BCAR3: variants seen among roughly 807,000 people sequenced by gnomAD.
The protein encoded by BCAR3 is BCAR3 adaptor protein, NSP family member, also known as breast cancer anti-estrogen resistance protein 3.
A neutral mutation model predicts 80.1 loss-of-function variants in BCAR3; 37 were observed. That is an observed-to-expected ratio of 0.46 (90% CI 0.36 to 0.61). The LOEUF is 0.61. Among genes scored for constraint, BCAR3 ranks in the 20% least tolerant of loss-of-function variants. BCAR3 has a pLI of 0.00. For synonymous variants in BCAR3, 389 were observed against 418.9 expected (o/e 0.93, Z 0.87); for missense variants, 978 against 1,068.2 (o/e 0.92, Z 1.18).
At chr1:93,821,001 C>A (rs1005567085) in intron 2 of BCAR3, among the ~76,000 whole-genome samples, 9 of 151,236 alleles carry the variant, frequency 6.0e-5, no homozygotes, top group African/African-American at 1.9e-4. Flanking sequence ...TATAAAAAAA[C>A]AAAACAAAAA....
intron 10 of BCAR3, 68 bp downstream of exon 10, chr1:93,567,672 A>G: frequency 1.3e-6 from 2 of 1,490,006 alleles, no homozygotes; most frequent in South Asian, 1.2e-5. Flanking sequence ...GCCTCATAAC[A>G]TGCCCTGTGT....
intron 3 of BCAR3, among the ~76,000 whole-genome samples, chr1:93,695,070 A>T (rs1459741533): frequency 3.3e-5 from 5 of 152,100 alleles, no homozygotes; most frequent in Non-Finnish European, 5.9e-5. Flanking sequence ...GTTCCCTGGC[A>T]CCTGGCCCTT....
intron 2 of BCAR3, among the ~76,000 whole-genome samples, chr1:93,771,619 T>C (rs1416697938): frequency 6.6e-6 from 1 of 152,228 alleles, no homozygotes; most frequent in African/African-American, 2.4e-5. Context: ...AGTTAGAATG[T>C]CTGTTTAGTT....
intron 1 of BCAR3, chr1:93,847,023 G>GTT (rs1329787150): frequency 6.6e-6 from 2 of 303,070 alleles, no homozygotes; most frequent in African/African-American, 4.7e-5. Context: ...GGGCGCGGCG[G>GTT]CCGGGCGCGA....
intron 2 of BCAR3, among the ~76,000 whole-genome samples, chr1:93,738,090 TC>T (rs1393359754): frequency 5.3e-5 from 8 of 152,188 alleles, no homozygotes; most frequent in Admixed American, 4.6e-4. Flanking sequence ...TGCCTTGGCC[TC>T]TCAAAGTGCT....
In BCAR3 at chr1:93,716,834, T is replaced by A. The variant is rs567756864; in HGVS notation, c.-62-10692A>T. Among the ~76,000 whole-genome samples, 3 of 152,346 alleles carry A rather than the reference T, an allele frequency of 2.0e-5. No homozygotes were observed. The South Asian group carries it at 6.2e-4, about 32-fold the overall frequency. On this transcript the variant is annotated intron_variant, in intron 2 of 13. Coordinates refer to the BCAR3 transcript ENST00000370244. ...GACTGGAGGGCATCCACTCTGATCT[T>A]CTAGTCTGCTTTATGCAGGAGATGG...
chr1:93,650,357 C>T (rs1023149801), intron 2 of BCAR3, among the ~76,000 whole-genome samples: 1 of 152,180 alleles, frequency 6.6e-6, no homozygotes, highest in Non-Finnish European at 1.5e-5. Flanking sequence ...TGCACACCAA[C>T]CTGGGCAACA....
At position 93,616,618 on chromosome 1, in the gene BCAR3, T is replaced by C. The variant is rs181405943; in HGVS notation, c.358-24225A>G. ...CACAAATAGATTTTTTAATGTCTTA[T>C]AATTAAACCTGTTACTCACACAGCC... On this transcript the variant is annotated intron_variant, in intron 3 of 11. Coordinates refer to ENST00000260502, the MANE Select transcript of BCAR3 (RefSeq NM_003567.4). Among the ~76,000 whole-genome samples, 49 of 152,356 alleles carry C rather than the reference T, an allele frequency of 3.2e-4. No individual in the cohort carries two copies. The East Asian group carries it at 7.9e-3, about 25-fold the overall frequency.
chr1:93,634,716 ACAAC>A (rs1675724312), intron 3 of BCAR3, among the ~76,000 whole-genome samples: 2 of 122,970 alleles, frequency 1.6e-5, no homozygotes, highest in African/African-American at 7.2e-5. Flanking sequence ...AACAACAACA[ACAAC>A]AAAAAAAAAA....
upstream of BCAR3, among the ~76,000 whole-genome samples, chr1:93,686,341 C>CTA (rs1239829080): frequency 9.2e-5 from 14 of 152,268 alleles, no homozygotes; most frequent in East Asian, 2.3e-3. Context: ...GAACTTGAGG[C>CTA]TATAGTATGC....
rs562881016 is a variant in BCAR3 at position 93,701,257 on chromosome 1, G to A, written c.-12+4835C>T. On this transcript the variant is annotated intron_variant, in intron 3 of 13. Coordinates refer to the BCAR3 transcript ENST00000370244. ...GTCCCCACTTGCCTTGAAGGGAGCT[G>A]TGTGGCTGAGTTCTCCGCTGTCACT... Among the ~76,000 whole-genome samples the A allele has an allele frequency of 2.0e-5, 3 of 152,312 alleles. No homozygotes were observed. The East Asian group carries it at 5.8e-4, about 29-fold the overall frequency.
chr1:93,673,058 G>C (rs543533399), intron 2 of BCAR3, among the ~76,000 whole-genome samples: 1 of 152,260 alleles, frequency 6.6e-6, no homozygotes, highest in South Asian at 2.1e-4. Flanking sequence ...GAAGGCCCAT[G>C]GTTGCTTTCC....
intron 2 of BCAR3, among the ~76,000 whole-genome samples, chr1:93,839,755 G>T (rs1174389008): frequency 6.6e-6 from 1 of 152,178 alleles, no homozygotes; most frequent in Non-Finnish European, 1.5e-5. Context: ...CTTTTTGATG[G>T]AGTTTTGAGA....
At chr1:93,683,328 T>C (rs1571042504), upstream of BCAR3, among the ~76,000 whole-genome samples, 3 of 152,260 alleles carry the variant, frequency 2.0e-5, no homozygotes, top group Admixed American at 2.0e-4. Context: ...TGACTAAAAT[T>C]AAAGGGCCTG....
chr1:93,772,175 T>G (rs1369237273), intron 2 of BCAR3, among the ~76,000 whole-genome samples: 5 of 152,166 alleles, frequency 3.3e-5, no homozygotes, highest in Non-Finnish European at 2.9e-5. Flanking sequence ...TTGTATGAGA[T>G]TCTATGCTGA....
chr1:93,612,302 C>T (rs528399731), intron 3 of BCAR3, among the ~76,000 whole-genome samples: 16 of 152,078 alleles, frequency 1.1e-4, no homozygotes, highest in Admixed American at 3.9e-4. Context: ...GAAGTCCAGG[C>T]GGAAAGAAGG....
At chr1:93,816,658 T>C (rs1374728215) in intron 2 of BCAR3, among the ~76,000 whole-genome samples, 1 of 107,590 alleles carries the variant, frequency 9.3e-6, no homozygotes, top group East Asian at 2.8e-4. Context: ...GCGACAGAGC[T>C]AGACTCCATC....
chr1:93,562,617 A>G (rs982587832), intron 11 of BCAR3, among the ~76,000 whole-genome samples, 198 bp from the exon 12 acceptor site: 13 of 151,746 alleles, frequency 8.6e-5, no homozygotes, highest in African/African-American at 2.9e-4. Flanking sequence ...AAAAAATACA[A>G]AAAATTAGCC....
intron 3 of BCAR3, among the ~76,000 whole-genome samples, chr1:93,637,418 G>C (rs2101904603): frequency 6.6e-6 from 1 of 152,266 alleles, no homozygotes; most frequent in East Asian, 1.9e-4. Flanking sequence ...GGCTCCCAAA[G>C]TGCTGGGATT....
Sources: allele counts gnomAD v4.1 joint callset (sites outside exome capture counted in the v4.1 genomes callset), GRCh38; gene constraint gnomAD v4.1.1; transcripts MANE v1.5; gene names NCBI Gene and HGNC (gene_info 2026-07-23, HGNC 2026-07-21).